Variants in TRIM25 observed in about 807,000 individuals in gnomAD.
TRIM25 encodes the protein E3 ubiquitin/ISG15 ligase TRIM25.
Under a neutral mutation model 65.2 loss-of-function variants are expected in TRIM25, and 45 were observed. That is an observed-to-expected ratio of 0.69 (90% confidence interval 0.54 to 0.89). TRIM25 has a LOEUF of 0.89. Among genes scored for constraint, TRIM25 ranks in the 40% least tolerant of loss-of-function variants. The pLI is 0.00. For synonymous variants in TRIM25, 321 were observed against 340.4 expected (o/e 0.94, Z 0.63); for missense variants, 714 against 803.7 (o/e 0.89, Z 1.35).
intron 5 of TRIM25, among the ~76,000 whole-genome samples, chr17:56,898,286 T>C (rs1233666613): frequency 6.6e-6 from 1 of 152,212 alleles, no homozygotes; most frequent in African/African-American, 2.4e-5. Flanking sequence ...CAGCGGTATA[T>C]GGACATGTCA....
intron 5 of TRIM25, chr17:56,898,899 T>C (rs1909352502): frequency 1.8e-6 from 1 of 557,822 alleles, no homozygotes; most frequent in East Asian, 3.1e-5. Flanking sequence ...GCCTCAGGCA[T>C]CTTGCTGTTC....
At chr17:56,907,642 T>C (rs1455307548) in intron 2 of TRIM25, among the ~76,000 whole-genome samples, 1 of 152,246 alleles carries the variant, frequency 6.6e-6, no homozygotes, top group African/African-American at 2.4e-5. Flanking sequence ...ACACTTCCAC[T>C]ATGATCCTTC....
Position 56,891,299 on chromosome 17 carries a change from G to T in TRIM25, c.*401C>A. ...AGAATTCAAAACACCAAGATCTGAA[G>T]GCTACCCCAGAGAGCAAAGGGGCAG... On this transcript the variant is annotated 3_prime_UTR_variant, in exon 9 of 9. Transcript: ENST00000316881. 3.2e-6 allele frequency: 1 copy of T among 311,286 alleles called. No individual in the cohort carries two copies. The highest frequency in any genetic ancestry group is 6.2e-6 in the Non-Finnish European group (1 of 161,056). The allele number at this position is 311,286 out of a possible 1,614,324, so 19.3% of individuals were successfully genotyped here. A position where few individuals can be genotyped will look rare whatever the true frequency, so the allele number is the denominator to read the frequency against.
At chr17:56,912,859 C>T (rs76999612) in intron 1 of TRIM25, 2,484 of 152,334 alleles carry the variant, frequency 0.016, 24 homozygotes, top group Non-Finnish European at 0.024. Flanking sequence ...GATGGTGGGG[C>T]GCAGTGGTGC....
At chr17:56,909,482 C>T (rs1338962316) in intron 1 of TRIM25, among the ~76,000 whole-genome samples, 3 of 151,984 alleles carry the variant, frequency 2.0e-5, no homozygotes, top group Admixed American at 6.6e-5. Context: ...CTCAGGAGTT[C>T]GAGACCAGCT....
chr17:56,910,201 C>T lies in TRIM25; in HGVS notation c.598-1638G>A, dbSNP rs1909600325. Reference sequence around the variant, plus strand: ...TCCCGTAACTAGCAGGCTCAACATACTCTGGCTCTCTCTTCCACTTCCCAG... The same window carrying T: ...TCCCGTAACTAGCAGGCTCAACATATTCTGGCTCTCTCTTCCACTTCCCAG... On this transcript the variant is annotated intron_variant, in intron 1 of 8. Transcript: ENST00000316881. Among the ~76,000 whole-genome samples the T allele has an allele frequency of 2.0e-5, 3 of 152,166 alleles. No homozygotes were observed. The South Asian group carries it at 6.2e-4, about 31-fold the overall frequency.
chr17:56,894,535 C>G (rs1170303283), intron 8 of TRIM25, among the ~76,000 whole-genome samples: 1 of 152,248 alleles, frequency 6.6e-6, no homozygotes, highest in Non-Finnish European at 1.5e-5. Flanking sequence ...CAGGCATGAG[C>G]CACCGCACCC....
At position 56,913,937 on chromosome 17, in the gene TRIM25, C is replaced by T. The variant is rs1391376585; in HGVS notation, c.52G>A (p.Glu18Lys). Residue 18 changes from glutamate (E) to lysine (K), a missense_variant, in exon 1 of 9, where the codon GAG becomes AAG. Transcript: ENST00000316881. This position sits in a 1 kb window ranked among gnomAD's most constrained non-coding sequence, Gnocchi z 6.1. Reference sequence around the variant, plus strand: ...GTGGTGACCGGCTCCTTGAAGGGCTCCAGGCAGATGGAGCACGACAGCTCC... The same window carrying T: ...GTGGTGACCGGCTCCTTGAAGGGCTTCAGGCAGATGGAGCACGACAGCTCC... ...AEELSCSICL[E>K]PFKEPVTTPC... 6.3e-7 allele frequency: 1 copy of T among 1,587,102 alleles called. No homozygotes were observed. The highest frequency in any genetic ancestry group is 8.6e-7 in the Non-Finnish European group (1 of 1,167,554).
intron 5 of TRIM25, among the ~76,000 whole-genome samples, chr17:56,896,552 C>A (rs1446858464): frequency 6.6e-6 from 1 of 151,748 alleles, no homozygotes; most frequent in African/African-American, 2.4e-5. Context: ...CACCTGTAGT[C>A]CCAGCTACTT....
chr17:56,905,406 C>A (rs1598077483), intron 2 of TRIM25, among the ~76,000 whole-genome samples: 1 of 152,022 alleles, frequency 6.6e-6, no homozygotes, highest in Non-Finnish European at 1.5e-5. Flanking sequence ...AGTCAGGATG[C>A]AGCTCTGGAA....
Position 56,908,555 on chromosome 17 carries a change from C to T in TRIM25, c.606G>A (p.Leu202=), listed in dbSNP as rs1364661032. 2 of 1,613,704 alleles carry T rather than the reference C, an allele frequency of 1.2e-6. No homozygotes were observed. Among genetic ancestry groups the T allele is most frequent in the Non-Finnish European group, 8.5e-7 (1 of 1,180,036 alleles). The change falls in exon 2 of 9, where the codon CTG becomes CTA. Residue 202 remains leucine (L), a synonymous_variant. Coordinates refer to ENST00000316881, the MANE Select transcript of TRIM25 (RefSeq NM_005082.5). The part of the protein sequence containing the change: ...SQASADLEAT[L]RHKLTVMYSQ... ...TGTACATGACAGTTAGTTTGTGCCT[C>T]AGGGTGGCCTGCAGGGAAAACAAAT...
intron 3 of TRIM25, among the ~76,000 whole-genome samples, chr17:56,903,566 C>A (rs1364133707): frequency 6.6e-6 from 1 of 152,136 alleles, no homozygotes; most frequent in Non-Finnish European, 1.5e-5. Flanking sequence ...AAGCCCCCGA[C>A]CCCGACTGAT....
At position 56,891,944 on chromosome 17, in the gene TRIM25, C is replaced by T. The variant is rs1331472063; in HGVS notation, c.1649G>A (p.Cys550Tyr). 1 of 1,614,218 alleles carries T rather than the reference C, an allele frequency of 6.2e-7. No individual in the cohort carries two copies. The change falls in exon 9 of 9, where the codon TGC becomes TAC. Residue 550 changes from cysteine to tyrosine, a missense_variant. Physicochemically the swap from Cys to Tyr is radical, Grantham distance 194. Transcript: ENST00000316881. ...GATCTTGGTGTTGAACCACTCCACG[C>T]ACCAGGAGGCGCTGTTGCGGCCGAG... ...SRLGRNSASW[C>Y]VEWFNTKISA...
At chr17:56,909,369 G>A (rs1598079432) in intron 1 of TRIM25, among the ~76,000 whole-genome samples, 2 of 152,074 alleles carry the variant, frequency 1.3e-5, no homozygotes, top group East Asian at 1.9e-4. Flanking sequence ...TGCAGACTGG[G>A]ACCACCAAGG....
rs373286781 is a variant in TRIM25, at chr17:56,893,178, T to C, written c.1364-949A>G. 6.6e-5 allele frequency among the ~76,000 whole-genome samples: 10 copies of C among 152,170 alleles called. 1 individual carries two copies. The highest frequency in any genetic ancestry group is 6.5e-5 in the Admixed American group (1 of 15,298). On this transcript the variant is annotated intron_variant, in intron 8 of 8. Coordinates refer to ENST00000316881, the MANE Select transcript of TRIM25 (RefSeq NM_005082.5). The stretch of plus-strand genomic sequence containing the variant: ...TGTTGGGGCTAGAAAGGGAAGGGCT[T>C]AGGAGGCTAGACTTTAACTGGTGGG...
chr17:56,911,261 C>T (rs1297716606), intron 1 of TRIM25, among the ~76,000 whole-genome samples: 1 of 151,896 alleles, frequency 6.6e-6, no homozygotes, highest in East Asian at 1.9e-4. Flanking sequence ...GAGTGAAAAC[C>T]TGTCTCTAAA....
In TRIM25 at chr17:56,897,662, G is replaced by A. The variant is rs140704333; in HGVS notation, c.1153+1453C>T. Among the ~76,000 whole-genome samples the A allele has an allele frequency of 3.4e-4, 51 of 152,134 alleles. No homozygotes were observed. The East Asian group carries it at 8.7e-3, about 26-fold the overall frequency. ...CCTAGAGGAGCCTTGATTCATTCCCGAACTTTATTCTCCAGGGTGTCATTC... is the reference window on the plus strand; with the variant it reads ...CCTAGAGGAGCCTTGATTCATTCCCAAACTTTATTCTCCAGGGTGTCATTC... On this transcript the variant is annotated intron_variant, in intron 5 of 8. Coordinates refer to ENST00000316881, the MANE Select transcript of TRIM25 (RefSeq NM_005082.5).
At chr17:56,911,806 C>T (rs1000342317) in intron 1 of TRIM25, among the ~76,000 whole-genome samples, 6 of 152,042 alleles carry the variant, frequency 3.9e-5, no homozygotes, top group Non-Finnish European at 2.9e-5. Flanking sequence ...GCAAGTGGAT[C>T]ACCTGAGCCC....
chr17:56,902,241 C>G (rs1301452900), intron 3 of TRIM25, among the ~76,000 whole-genome samples: 1 of 152,178 alleles, frequency 6.6e-6, no homozygotes, highest in African/African-American at 2.4e-5. Context: ...CCCATTCACT[C>G]CTGCACTGTC....
Sources: gnomAD v4.1 joint callset for allele counts (sites outside exome capture counted in the v4.1 genomes callset) on GRCh38, gnomAD v4.1.1 for gene constraint, Gnocchi (gnomAD v3.1) non-coding constraint, MANE v1.5 for transcripts, NCBI Gene and HGNC (gene_info 2026-07-23, HGNC 2026-07-21) for gene names.